The following B3GALT5 variants were observed in gnomAD, a reference collection of about 807,000 sequenced individuals.
B3GALT5 encodes UDP-Gal:betaGlcNAc beta 1,3-galactosyltransferase, polypeptide 5.
For synonymous variants in B3GALT5, 156 were observed against 158.6 expected, an observed-to-expected ratio of 0.98 and a Z score of 0.12; for missense variants, 328 against 396.6, an observed-to-expected ratio of 0.83 and a Z score of 1.47.
chr21:39,627,570 C>T (rs2079170815), intron 1 of B3GALT5, among the ~76,000 whole-genome samples: 1 of 149,742 alleles, frequency 6.7e-6, no homozygotes. Flanking sequence ...TCCCCCCAAC[C>T]TTTTTTTTTT....
chr21:39,642,702 G>A (rs1037633134), intron 1 of B3GALT5, among the ~76,000 whole-genome samples: 1 of 152,102 alleles, frequency 6.6e-6, no homozygotes, highest in African/African-American at 2.4e-5. Context: ...GGAGGAAGTG[G>A]GATAATTTTG....
Position 39,661,754 on chromosome 21 carries a change from A to G in B3GALT5, c.*262A>G. ...TTTGCATTTCAGGGGTCAGTATCCT[A>G]TGACATGATGGGTGTTACCATCCTA... On this transcript the variant is annotated 3_prime_UTR_variant, in exon 4 of 4. Transcript: ENST00000684187. The surrounding 1 kb of genome is among the most constrained non-coding windows in gnomAD (Gnocchi z 4.7). The G allele has an allele frequency of 5.7e-6, 2 of 351,432 alleles. No homozygotes were observed. The allele number at this position is 351,432 out of a possible 1,614,324, so 21.8% of individuals were successfully genotyped here.
chr21:39,649,334 G>T (rs1314178313), intron 2 of B3GALT5, among the ~76,000 whole-genome samples: 1 of 152,104 alleles, frequency 6.6e-6, no homozygotes, highest in Non-Finnish European at 1.5e-5. Flanking sequence ...TCCTTTCTCA[G>T]CTTTCCCTCT....
chr21:39,619,437 C>T (rs1205599142), intron 1 of B3GALT5, among the ~76,000 whole-genome samples: 3 of 152,142 alleles, frequency 2.0e-5, no homozygotes, highest in South Asian at 2.1e-4. Flanking sequence ...AGAGCTTTAA[C>T]ACATGAACTT....
chr21:39,626,976 A>T (rs568362062), intron 1 of B3GALT5, among the ~76,000 whole-genome samples: 1 of 152,244 alleles, frequency 6.6e-6, no homozygotes, highest in East Asian at 1.9e-4. Flanking sequence ...TGGACCTAAG[A>T]GCTCATTCCC....
chr21:39,620,708 A>C (rs1049853165), intron 1 of B3GALT5, among the ~76,000 whole-genome samples: 1 of 152,212 alleles, frequency 6.6e-6, no homozygotes, highest in African/African-American at 2.4e-5. Flanking sequence ...TCAAAATAGC[A>C]TATGATAATA....
In B3GALT5 at chr21:39,660,948, A is replaced by G. The variant is rs2079512435; in HGVS notation, c.389A>G (p.Asn130Ser). The part of the protein sequence containing the change: ...IQKDFLDVYY[N>S]LTLKTMMGIE... Reference sequence around the variant, plus strand: ...AAGGATTTCCTAGACGTCTATTACAATCTGACCCTGAAGACCATGATGGGC... The same window carrying G: ...AAGGATTTCCTAGACGTCTATTACAGTCTGACCCTGAAGACCATGATGGGC... The change falls in exon 4 of 4, where the codon AAT becomes AGT. Residue 130 changes from asparagine (N) to serine (S), a missense_variant. Physicochemically the swap from Asn to Ser is conservative, Grantham distance 46. Transcript: ENST00000684187. The G allele has an allele frequency of 1.9e-6, 3 of 1,606,924 alleles. No individual in the cohort carries two copies. The highest frequency in any genetic ancestry group is 1.3e-5 in the African/African-American group (1 of 74,724).
chr21:39,630,912 C>T (rs541336501), intron 1 of B3GALT5, among the ~76,000 whole-genome samples: 1 of 151,998 alleles, frequency 6.6e-6, no homozygotes, highest in East Asian at 1.9e-4. Context: ...AAATAAAAAT[C>T]GATTGGGGGA....
At chr21:39,643,752 T>G (rs1329066792) in intron 1 of B3GALT5, among the ~76,000 whole-genome samples, 2 of 152,204 alleles carry the variant, frequency 1.3e-5, no homozygotes, top group Admixed American at 6.5e-5. Context: ...GGAGAGATGC[T>G]CCTTGATGAG....
At chr21:39,652,664 T>C (rs1487650096) in intron 2 of B3GALT5, among the ~76,000 whole-genome samples, 3 of 152,258 alleles carry the variant, frequency 2.0e-5, no homozygotes. Flanking sequence ...TAGATATTGA[T>C]TTGGCAATTA....
At chr21:39,640,570 T>A (rs1273294423) in intron 1 of B3GALT5, among the ~76,000 whole-genome samples, 1 of 152,182 alleles carries the variant, frequency 6.6e-6, no homozygotes, top group Non-Finnish European at 1.5e-5. Flanking sequence ...CTCAGACACG[T>A]TTCGAAGGAA....
intron 1 of B3GALT5, 32 bp downstream of exon 1, chr21:39,613,099 G>GGCGCGGT (rs2079088825): frequency 6.7e-6 from 1 of 148,922 alleles, no homozygotes; most frequent in African/African-American, 2.4e-5. Context: ...CGGGGCGCGG[G>GGCGCGGT]GAGCGCTGGC....
chr21:39,635,933 T>C (rs1271287996), intron 1 of B3GALT5, among the ~76,000 whole-genome samples: 1 of 152,218 alleles, frequency 6.6e-6, no homozygotes, highest in Non-Finnish European at 1.5e-5. Flanking sequence ...TTCCCTTTGA[T>C]ACTCCAAGAT....
intron 1 of B3GALT5, among the ~76,000 whole-genome samples, chr21:39,622,156 G>T (rs1387088894): frequency 6.6e-6 from 1 of 151,880 alleles, no homozygotes; most frequent in Non-Finnish European, 1.5e-5. Context: ...GCCTACTTTT[G>T]AAAGTTTCAA....
intron 1 of B3GALT5, among the ~76,000 whole-genome samples, chr21:39,615,613 A>G (rs2079103484): frequency 6.6e-6 from 1 of 152,254 alleles, no homozygotes; most frequent in African/African-American, 2.4e-5. Flanking sequence ...CTCTGCAGCC[A>G]GATGACTGGT....
In B3GALT5 at chr21:39,660,901, G is replaced by A; in HGVS notation, c.342G>A (p.Gln114=). ...AETKEVDQES[Q]RHGDIIQKDF... ...CGAAAGAGGTGGACCAGGAGAGCCA[G>A]CGACACGGGGACATTATCCAGAAGG... is the stretch of plus-strand genomic sequence containing the variant. The change falls in exon 4 of 4, where the codon CAG becomes CAA. Residue 114 remains glutamine (Q), a synonymous_variant. Transcript: ENST00000684187. 1.2e-6 allele frequency: 2 copies of A among 1,611,464 alleles called. No individual in the cohort carries two copies. The highest frequency in any genetic ancestry group is 1.1e-5 in the South Asian group (1 of 90,528).
At chr21:39,629,018 C>G (rs2079178405) in intron 1 of B3GALT5, among the ~76,000 whole-genome samples, 1 of 147,232 alleles carries the variant, frequency 6.8e-6, no homozygotes, top group South Asian at 2.2e-4. Context: ...TCTTAACATC[C>G]TTTTTTTTTT....
chr21:39,635,488 G>GT (rs2079220884), intron 1 of B3GALT5, among the ~76,000 whole-genome samples: 2 of 151,298 alleles, frequency 1.3e-5, no homozygotes, highest in African/African-American at 4.9e-5. Context: ...TCTTTTTTTT[G>GT]TTTTTTTGAC....
chr21:39,613,320 C>A (rs760112988), intron 1 of B3GALT5, among the ~76,000 whole-genome samples: 1 of 152,234 alleles, frequency 6.6e-6, no homozygotes, highest in Non-Finnish European at 1.5e-5. Context: ...TCACGCCACG[C>A]CCCGAGGAAG....
Sources: allele counts gnomAD v4.1 joint callset (sites outside exome capture counted in the v4.1 genomes callset), GRCh38; gene constraint gnomAD v4.1.1; non-coding constraint Gnocchi (gnomAD v3.1); transcripts MANE v1.5; gene names NCBI Gene and HGNC (gene_info 2026-07-23, HGNC 2026-07-21).